The following SPAG17 variants were observed in gnomAD, a reference collection of about 807,000 sequenced individuals.
SPAG17 encodes sperm-associated antigen 17.
In SPAG17, 169 loss-of-function variants were observed where a neutral mutation model predicts 273.6. The ratio of observed to expected loss-of-function variants is 0.62; its 90% confidence interval spans 0.55 to 0.70. SPAG17 has a LOEUF of 0.70. SPAG17 is among the 30% of genes least tolerant of loss of function. SPAG17 has a pLI of 0.00. For synonymous variants in SPAG17, 825 were observed against 873.2 expected (o/e 0.94, Z 0.97); for missense variants, 2,557 against 2,627.8 (o/e 0.97, Z 0.59).
At chr1:118,130,426 G>A (rs1045269337) in intron 3 of SPAG17, among the ~76,000 whole-genome samples, 5 of 152,142 alleles carry the variant, frequency 3.3e-5, no homozygotes, top group Non-Finnish European at 7.3e-5. Flanking sequence ...TTATGCAAAG[G>A]TCATTTACAT....
chr1:118,112,118 C>A (rs921253016), intron 4 of SPAG17, among the ~76,000 whole-genome samples: 1 of 151,538 alleles, frequency 6.6e-6, no homozygotes, highest in Non-Finnish European at 1.5e-5. Context: ...GCTTTTTTTT[C>A]ATTTTTTTAA....
At chr1:117,991,863 G>A (rs988811360) in intron 36 of SPAG17, among the ~76,000 whole-genome samples, 2 of 152,200 alleles carry the variant, frequency 1.3e-5, no homozygotes, top group African/African-American at 4.8e-5. Context: ...TTCAGGTATA[G>A]TTTTTTTATT....
At chr1:118,057,858 AAAT>A (rs1343012255) in intron 18 of SPAG17, among the ~76,000 whole-genome samples, 1 of 151,526 alleles carries the variant, frequency 6.6e-6, no homozygotes, top group African/African-American at 2.4e-5. Context: ...TTTTTTTGTA[AAAT>A]AATATTAATA....
At chr1:118,177,957 G>A (rs1660772417) in intron 1 of SPAG17, among the ~76,000 whole-genome samples, 2 of 152,066 alleles carry the variant, frequency 1.3e-5, no homozygotes, top group African/African-American at 4.8e-5. Context: ...CCCAGGACAT[G>A]ACAGCTTCAT....
At chr1:117,997,578 A>G (rs1657792128) in intron 32 of SPAG17, among the ~76,000 whole-genome samples, 1 of 151,514 alleles carries the variant, frequency 6.6e-6, no homozygotes, top group Non-Finnish European at 1.5e-5. Flanking sequence ...AAAAAAAAAA[A>G]AAAAAGAAAA....
At chr1:118,086,511 A>G (rs1002949488) in intron 12 of SPAG17, among the ~76,000 whole-genome samples, 160 bp downstream of exon 12, 4 of 152,164 alleles carry the variant, frequency 2.6e-5, no homozygotes, top group African/African-American at 9.7e-5. Flanking sequence ...CTCTGTATCT[A>G]GGTCCATTTT....
At chr1:118,163,229 G>A (rs1186338308) in intron 1 of SPAG17, among the ~76,000 whole-genome samples, 1 of 152,168 alleles carries the variant, frequency 6.6e-6, no homozygotes, top group African/African-American at 2.4e-5. Context: ...GTTTAGTAGA[G>A]GAAACAGATA....
rs542868649 is a variant in SPAG17, at chr1:118,126,360, T to C, written c.316-10919A>G. On this transcript the variant is annotated intron_variant, in intron 3 of 48. Coordinates refer to ENST00000336338, the MANE Select transcript of SPAG17 (RefSeq NM_206996.4). ...AGCTGGAACTACAGGCGCCCGCCAC[T>C]ACACCCAGCTAATTTTTTTGTATTT... 8.5e-3 allele frequency among the ~76,000 whole-genome samples: 1,281 copies of C among 151,420 alleles called. 11 individuals carry two copies. The highest frequency in any genetic ancestry group is 0.024 in the Middle Eastern group (7 of 294).
Position 118,041,827 on chromosome 1 carries a change from T to C in SPAG17, c.3030A>G (p.Gln1010=), listed in dbSNP as rs758919734. 9.9e-6 allele frequency: 16 copies of C among 1,612,640 alleles called. No individual in the cohort carries two copies. The highest frequency in any genetic ancestry group is 1.2e-5 in the Non-Finnish European group (14 of 1,179,614). Residue 1010 remains glutamine (Q), a synonymous_variant, in exon 21 of 49, where the codon CAA becomes CAG. Coordinates refer to ENST00000336338, the MANE Select transcript of SPAG17 (RefSeq NM_206996.4). ...IQEVTEESPH[Q]PEPKITYPFH... The stretch of plus-strand genomic sequence containing the variant: ...CCGGGTAAGTTATCTTAGGTTCTGG[T>C]TGGTGGGGGGACTCTTCTGTTACTT...
chr1:118,105,300 A>G (rs1234893297), intron 4 of SPAG17, among the ~76,000 whole-genome samples: 1 of 152,158 alleles, frequency 6.6e-6, no homozygotes, highest in Non-Finnish European at 1.5e-5. Context: ...AAGCTTACCG[A>G]GGTAATATGG....
chr1:118,125,456 T>C (rs1040059600), intron 3 of SPAG17, among the ~76,000 whole-genome samples: 1 of 152,202 alleles, frequency 6.6e-6, no homozygotes, highest in Non-Finnish European at 1.5e-5. Flanking sequence ...TACAGTGCTA[T>C]AGAACACTAG....
At chr1:118,018,029 A>G (rs867559439) in intron 28 of SPAG17, among the ~76,000 whole-genome samples, 1 of 152,234 alleles carries the variant, frequency 6.6e-6, no homozygotes, top group Non-Finnish European at 1.5e-5. Flanking sequence ...GCTGGCAACT[A>G]TAAGTAAGAT....
rs1347829919 is a variant in SPAG17, at chr1:118,081,553, G to A, written c.1852C>T (p.Leu618=). The A allele has an allele frequency of 2.5e-6, 4 of 1,613,824 alleles. No homozygotes were observed. The highest frequency in any genetic ancestry group is 3.4e-6 in the Non-Finnish European group (4 of 1,179,978). ...KLSEVDEKGK[L]KPSGMMCGSD... Reference sequence around the variant, plus strand: ...CCACACATCATCCCAGAAGGTTTCAGTTTCCCTTTTTCATCAACCTCAGAG... The same window carrying A: ...CCACACATCATCCCAGAAGGTTTCAATTTCCCTTTTTCATCAACCTCAGAG... The change falls in exon 14 of 49, where the codon CTG becomes TTG. Residue 618 remains leucine, a synonymous_variant. Coordinates refer to ENST00000336338, the MANE Select transcript of SPAG17 (RefSeq NM_206996.4).
chr1:118,170,240 C>T (rs1660357447), intron 1 of SPAG17, among the ~76,000 whole-genome samples: 1 of 152,008 alleles, frequency 6.6e-6, no homozygotes, highest in Non-Finnish European at 1.5e-5. Flanking sequence ...TTTTGGGGGA[C>T]ATATAAGAAG....
chr1:117,993,396 C>T (rs1657318415), intron 35 of SPAG17, among the ~76,000 whole-genome samples: 1 of 152,066 alleles, frequency 6.6e-6, no homozygotes, highest in South Asian at 2.1e-4. Context: ...TGTGGCATAC[C>T]CTTTGTCATC....
At chr1:117,975,789 T>C (rs1655065067) in intron 43 of SPAG17, among the ~76,000 whole-genome samples, 1 of 152,238 alleles carries the variant, frequency 6.6e-6, no homozygotes, top group African/African-American at 2.4e-5. Flanking sequence ...GAGGCAAGCA[T>C]TCCAGTAGTT....
Position 118,003,249 on chromosome 1 carries a change from C to T in SPAG17, c.4776+2165G>A, listed in dbSNP as rs185839833. Among the ~76,000 whole-genome samples the T allele has an allele frequency of 2.4e-3, 359 of 152,320 alleles. 1 individual carries two copies. The highest frequency in any genetic ancestry group is 8.3e-3 in the African/African-American group (347 of 41,568). On this transcript the variant is annotated intron_variant, in intron 32 of 48. Transcript: ENST00000336338. ...GTAACTCGACCTTTCTCTCTGGCTGCCATTAACATTTTTTCCTTCATTTCA... is the reference window on the plus strand; with the variant it reads ...GTAACTCGACCTTTCTCTCTGGCTGTCATTAACATTTTTTCCTTCATTTCA...
intron 22 of SPAG17, among the ~76,000 whole-genome samples, 171 bp from the exon 23 acceptor site, chr1:118,039,615 GA>G (rs749600153): frequency 1.3e-5 from 2 of 152,100 alleles, no homozygotes; most frequent in Non-Finnish European, 2.9e-5. Flanking sequence ...TGAACACAAA[GA>G]AGAGAACAAT....
At chr1:118,083,054 T>G (rs888142995) in intron 13 of SPAG17, among the ~76,000 whole-genome samples, 9 of 152,032 alleles carry the variant, frequency 5.9e-5, no homozygotes, top group Non-Finnish European at 8.8e-5. Context: ...CAGGCTGGAG[T>G]GCAGGTGATT....
Sources: gnomAD v4.1 joint callset for allele counts (sites outside exome capture counted in the v4.1 genomes callset) on GRCh38, gnomAD v4.1.1 for gene constraint, MANE v1.5 for transcripts, NCBI Gene and HGNC (gene_info 2026-07-23, HGNC 2026-07-21) for gene names.